The following MGAT5 variants were observed in gnomAD, a reference collection of about 807,000 sequenced individuals.
The protein encoded by MGAT5 is alpha-1,6-mannosylglycoprotein 6-beta-N-acetylglucosaminyltransferase A.
MGAT5 carries 30 observed loss-of-function variants against 94.3 expected under a neutral mutation model. That is an observed-to-expected ratio of 0.32 (90% CI 0.24 to 0.43). The LOEUF (loss-of-function observed/expected upper bound fraction) is 0.43. MGAT5 is among the 20% of genes least tolerant of loss of function. The probability of loss-of-function intolerance (pLI) is 1.00; values close to 1 mark genes in which losing one functional copy is unlikely to be tolerated. For missense variants in MGAT5, 691 were observed against 905.5 expected (o/e 0.76, Z 3.04); for synonymous variants, 310 against 322.9 (o/e 0.96, Z 0.43).
chr2:134,320,945 G>C (rs1573794416), intron 4 of MGAT5, among the ~76,000 whole-genome samples: 1 of 152,270 alleles, frequency 6.6e-6, no homozygotes, highest in East Asian at 1.9e-4. Context: ...GGACAAGGTT[G>C]TTCCATTGCC....
chr2:134,393,165 C>G (rs1189437283), intron 10 of MGAT5, among the ~76,000 whole-genome samples: 2 of 152,172 alleles, frequency 1.3e-5, no homozygotes, highest in Non-Finnish European at 2.9e-5. Flanking sequence ...TGGGAACTTG[C>G]CGAAGTCCCA....
chr2:134,448,208 C>T (rs1685900392), intron 15 of MGAT5, among the ~76,000 whole-genome samples: 1 of 152,212 alleles, frequency 6.6e-6, no homozygotes, highest in Admixed American at 6.5e-5. Context: ...GTGCACACTG[C>T]GGGCTGGTTC....
intron 2 of MGAT5, among the ~76,000 whole-genome samples, chr2:134,277,848 C>G (rs1684470219): frequency 6.6e-6 from 1 of 152,142 alleles, no homozygotes; most frequent in Admixed American, 6.5e-5. Flanking sequence ...TATAGTGTTT[C>G]ACTGGAACAC....
At chr2:134,197,773 T>TA (rs1307323350) in intron 1 of MGAT5, among the ~76,000 whole-genome samples, 1 of 152,192 alleles carries the variant, frequency 6.6e-6, no homozygotes, top group Non-Finnish European at 1.5e-5. Flanking sequence ...GCTAAAGTTA[T>TA]AGGGGGCTGG....
chr2:134,344,492 T>C (rs1688812122), intron 7 of MGAT5, among the ~76,000 whole-genome samples: 1 of 152,014 alleles, frequency 6.6e-6, no homozygotes, highest in South Asian at 2.1e-4. Flanking sequence ...ACTAAGTTAT[T>C]GAGTATCTAG....
chr2:134,205,672 G>A (rs541625510), intron 1 of MGAT5, among the ~76,000 whole-genome samples: 7 of 152,308 alleles, frequency 4.6e-5, no homozygotes, highest in African/African-American at 1.7e-4. Context: ...GAGGGGTCAA[G>A]GATAGATACA....
At chr2:134,423,889 A>G (rs1684436613) in intron 13 of MGAT5, among the ~76,000 whole-genome samples, 1 of 152,236 alleles carries the variant, frequency 6.6e-6, no homozygotes, top group Non-Finnish European at 1.5e-5. Context: ...CTACACCATT[A>G]GCAACATGAA....
chr2:134,200,468 A>G (rs1483465242), intron 1 of MGAT5, among the ~76,000 whole-genome samples: 2 of 152,264 alleles, frequency 1.3e-5, no homozygotes, highest in East Asian at 3.9e-4. Context: ...TGGTGTTACA[A>G]GTCTCTTTTT....
In MGAT5 at chr2:134,362,303, G is replaced by GT; in HGVS notation, c.1278dup (p.Val427CysfsTer3). The stretch of plus-strand genomic sequence containing the variant: ...ATACCCCAGACAACAGCTTTCTGGG[G>GT]TTTGTGGTTGAGCAGCACCTGAACT... On this transcript the variant is annotated frameshift_variant, in exon 10 of 16. Coordinates refer to ENST00000281923, the MANE Select transcript of MGAT5 (RefSeq NM_002410.5). LOFTEE classifies it high-confidence loss of function. The GT allele has an allele frequency of 6.2e-7, 1 of 1,614,002 alleles. No individual in the cohort carries two copies. The highest frequency in any genetic ancestry group is 8.5e-7 in the Non-Finnish European group (1 of 1,179,878).
Position 134,156,145 on chromosome 2 carries a change from C to T in MGAT5, c.-143+35854C>T, listed in dbSNP as rs535042059. Among the ~76,000 whole-genome samples the T allele has an allele frequency of 2.0e-5, 3 of 152,308 alleles. No individual in the cohort carries two copies. In the East Asian group the frequency reaches 5.8e-4, roughly 29 times the overall value. On this transcript the variant is annotated intron_variant, in intron 1 of 16. Coordinates refer to the MGAT5 transcript ENST00000409645. ...CTGTGAGATGAATGAATGCTGCTCCCCCAGCTCAGCTTGTGCGCTTCTGCA... is the reference window on the plus strand; with the variant it reads ...CTGTGAGATGAATGAATGCTGCTCCTCCAGCTCAGCTTGTGCGCTTCTGCA...
intron 1 of MGAT5, among the ~76,000 whole-genome samples, chr2:134,232,816 G>C (rs72846754): frequency 0.076 from 11,503 of 152,208 alleles, 407 homozygotes; most frequent in East Asian, 0.085. Context: ...TTCTGTGGGT[G>C]GTGGTTGTTA....
At chr2:134,120,948 C>G (rs1685548256) in intron 1 of MGAT5, among the ~76,000 whole-genome samples, 1 of 151,962 alleles carries the variant, frequency 6.6e-6, no homozygotes, top group Non-Finnish European at 1.5e-5. Context: ...GCCCTGCTGC[C>G]GGGTCTGGGA....
intron 4 of MGAT5, among the ~76,000 whole-genome samples, chr2:134,329,578 T>A (rs1687835955): frequency 6.6e-6 from 1 of 152,134 alleles, no homozygotes; most frequent in Non-Finnish European, 1.5e-5. Flanking sequence ...AAATAGTGAT[T>A]GAGCATATCA....
chr2:134,358,125 C>A (rs1427087032), intron 9 of MGAT5, among the ~76,000 whole-genome samples: 2 of 151,110 alleles, frequency 1.3e-5, no homozygotes, highest in African/African-American at 4.9e-5. Context: ...AATCTAGATT[C>A]TACAATTAAC....
chr2:134,387,333 T>TATATA (rs1491455775), intron 10 of MGAT5, among the ~76,000 whole-genome samples: 1 of 9,808 alleles, frequency 1.0e-4, no homozygotes, highest in East Asian at 2.9e-3. Context: ...TATATATATA[T>TATATA]TTTTTTTTTT....
chr2:134,413,908 G>A (rs1354754082), intron 12 of MGAT5, among the ~76,000 whole-genome samples: 1 of 152,160 alleles, frequency 6.6e-6, no homozygotes, highest in Non-Finnish European at 1.5e-5. Flanking sequence ...AACCCCTTCT[G>A]AGTCATTTTC....
chr2:134,239,389 A>C (rs916197879), intron 1 of MGAT5, among the ~76,000 whole-genome samples: 2 of 152,200 alleles, frequency 1.3e-5, no homozygotes, highest in Non-Finnish European at 1.5e-5. Context: ...GAGCTCCCTC[A>C]TTCTTCTTAA....
intron 1 of MGAT5, among the ~76,000 whole-genome samples, chr2:134,230,418 G>A (rs559386676): frequency 6.6e-6 from 1 of 152,196 alleles, no homozygotes; most frequent in Non-Finnish European, 1.5e-5. Context: ...ATTACAGCTA[G>A]ATAGGTGAAA....
chr2:134,428,556 G>A, intron 14 of MGAT5, 117 bp downstream of exon 14: 1 of 879,792 alleles, frequency 1.1e-6, no homozygotes, highest in Non-Finnish European at 1.8e-6. Flanking sequence ...CCTGCTTTGG[G>A]AGACTCTAGA....
Sources: allele counts gnomAD v4.1 joint callset (sites outside exome capture counted in the v4.1 genomes callset), GRCh38; gene constraint gnomAD v4.1.1; transcripts MANE v1.5; gene names NCBI Gene and HGNC (gene_info 2026-07-23, HGNC 2026-07-21).